FILIP1L: variants seen among roughly 807,000 people sequenced by gnomAD.
FILIP1L encodes the protein filamin A interacting protein 1 like.
Under a neutral mutation model 96.6 loss-of-function variants are expected in FILIP1L, and 55 were observed. The observed-to-expected ratio is 0.57, with a 90% confidence interval of 0.46 to 0.71. FILIP1L has a LOEUF of 0.71. Among genes scored for constraint, FILIP1L ranks in the 30% least tolerant of loss-of-function variants. The probability of loss-of-function intolerance (pLI) is 0.00; values close to 1 mark genes in which losing one functional copy is unlikely to be tolerated. For missense variants in FILIP1L, 1,304 were observed against 1,321.2 expected (o/e 0.99, Z 0.20); for synonymous variants, 467 against 473.9 (o/e 0.99, Z 0.19).
At chr3:99,958,949 T>C (rs780050845) in intron 1 of FILIP1L, among the ~76,000 whole-genome samples, 21 of 152,234 alleles carry the variant, frequency 1.4e-4, no homozygotes, top group Non-Finnish European at 2.8e-4. Flanking sequence ...TAATGAGCTC[T>C]ATACCACTGG....
intron 1 of FILIP1L, among the ~76,000 whole-genome samples, chr3:100,060,435 CA>C (rs1326725750): frequency 2.0e-5 from 3 of 151,880 alleles, no homozygotes; most frequent in Non-Finnish European, 1.5e-5. Context: ...TAAAGTATGC[CA>C]ATGCCCTAAA....
At chr3:99,909,863 C>T (rs992209273) in intron 4 of FILIP1L, among the ~76,000 whole-genome samples, 2 of 152,150 alleles carry the variant, frequency 1.3e-5, no homozygotes, top group Admixed American at 6.5e-5. Flanking sequence ...CAGTCTGCAA[C>T]CCCTTTCCTG....
intron 4 of FILIP1L, among the ~76,000 whole-genome samples, chr3:99,867,767 CAT>C (rs1944592850): frequency 6.6e-6 from 1 of 152,086 alleles, no homozygotes; most frequent in African/African-American, 2.4e-5. Context: ...TACAAATTCA[CAT>C]GTCAAGAGAT....
chr3:99,940,832 AGAG>A (rs1278461928), intron 1 of FILIP1L, among the ~76,000 whole-genome samples: 1 of 152,250 alleles, frequency 6.6e-6, no homozygotes, highest in African/African-American at 2.4e-5. Flanking sequence ...CAGGTGATTC[AGAG>A]GAGGTCAAGA....
chr3:100,102,191 A>G (rs1031265853), intron 1 of FILIP1L, among the ~76,000 whole-genome samples: 2 of 152,008 alleles, frequency 1.3e-5, no homozygotes, highest in African/African-American at 2.4e-5. Context: ...CTGAGGAATC[A>G]CCACACCGAC....
chr3:99,833,279 GAA>G (rs1391557752), intron 5 of FILIP1L: 1 of 1,601,828 alleles, frequency 6.2e-7, no homozygotes, highest in Non-Finnish European at 8.5e-7. Flanking sequence ...GCAGTAGAAA[GAA>G]GAGGAGTAAA....
intron 4 of FILIP1L, among the ~76,000 whole-genome samples, chr3:99,877,678 A>G (rs917292482): frequency 2.0e-5 from 3 of 152,180 alleles, no homozygotes; most frequent in African/African-American, 7.2e-5. Context: ...CTTCTGCCCT[A>G]TACTTGTGAA....
intron 1 of FILIP1L, among the ~76,000 whole-genome samples, chr3:100,047,575 C>T (rs2065297655): frequency 6.6e-6 from 1 of 152,208 alleles, no homozygotes; most frequent in South Asian, 2.1e-4. Flanking sequence ...GGTATTACCA[C>T]ATGTAAATTC....
rs146325265 is a variant in FILIP1L at position 99,852,509 on chromosome 3, G to A, written c.606-1439C>T. Among the ~76,000 whole-genome samples the A allele has an allele frequency of 9.9e-5, 15 of 152,048 alleles. No homozygotes were observed. In the East Asian group the frequency reaches 2.9e-3, roughly 29 times the overall value. ...TCGCCAGGCTGGAGTGCAGTGGGGC[G>A]ATCTCGACTCACTGCAACCTCTGAC... On this transcript the variant is annotated intron_variant, in intron 4 of 5. Transcript: ENST00000477258.
intron 1 of FILIP1L, among the ~76,000 whole-genome samples, chr3:100,092,274 G>C (rs2066123749): frequency 6.6e-6 from 1 of 152,100 alleles, no homozygotes; most frequent in African/African-American, 2.4e-5. Flanking sequence ...TGACATGCTG[G>C]CTAAAGATGT....
At chr3:99,884,983 C>G (rs976509766) in intron 4 of FILIP1L, among the ~76,000 whole-genome samples, 2 of 152,138 alleles carry the variant, frequency 1.3e-5, no homozygotes, top group African/African-American at 4.8e-5. Context: ...TTTAACCATG[C>G]AAGTGGGGAA....
At chr3:99,906,254 T>C (rs1403931756) in intron 4 of FILIP1L, among the ~76,000 whole-genome samples, 3 of 152,336 alleles carry the variant, frequency 2.0e-5, no homozygotes, top group Non-Finnish European at 4.4e-5. Flanking sequence ...TCCCTCGTTG[T>C]AAATTTAATT....
chr3:100,111,911 C>T (rs2066497542), intron 1 of FILIP1L, among the ~76,000 whole-genome samples: 1 of 152,172 alleles, frequency 6.6e-6, no homozygotes, highest in Admixed American at 6.5e-5. Context: ...GAACAACATG[C>T]ACAATACACA....
intron 3 of FILIP1L, among the ~76,000 whole-genome samples, chr3:99,926,821 A>G (rs1707306810): frequency 6.6e-6 from 1 of 152,052 alleles, no homozygotes; most frequent in South Asian, 2.1e-4. Flanking sequence ...TTTTCCCTTT[A>G]TATGTTCGTG....
chr3:100,108,364 C>T (rs1053715980), intron 1 of FILIP1L, among the ~76,000 whole-genome samples: 1 of 152,132 alleles, frequency 6.6e-6, no homozygotes, highest in Admixed American at 6.5e-5. Context: ...TTATTGAGCA[C>T]TTATGTGTCA....
intron 1 of FILIP1L, among the ~76,000 whole-genome samples, chr3:100,014,317 C>A (rs1710254936): frequency 6.6e-6 from 1 of 151,896 alleles, no homozygotes; most frequent in Non-Finnish European, 1.5e-5. Flanking sequence ...ATGTAGATAT[C>A]TTTTCAAGAT....
chr3:99,924,861 C>A (rs544819710), intron 3 of FILIP1L, among the ~76,000 whole-genome samples: 19 of 152,300 alleles, frequency 1.2e-4, no homozygotes, highest in African/African-American at 4.6e-4. Flanking sequence ...TGTTTATTCT[C>A]TTGTTAATTG....
chr3:100,097,506 A>T (rs1042784035), intron 1 of FILIP1L, among the ~76,000 whole-genome samples: 1 of 152,190 alleles, frequency 6.6e-6, no homozygotes, highest in African/African-American at 2.4e-5. Flanking sequence ...CCACGAACAC[A>T]GTATATCTCT....
chr3:99,860,498 T>G lies in FILIP1L; in HGVS notation c.606-9428A>C, dbSNP rs564032850. 2.6e-5 allele frequency among the ~76,000 whole-genome samples: 4 copies of G among 152,236 alleles called. No individual in the cohort carries two copies. In the East Asian group the frequency reaches 7.7e-4, roughly 29 times the overall value. ...AGAGCAGAAAAAGGAGCAAAGTAAC[T>G]GAGAAAAAGGGTCTCTGAAAGGTGA... is the stretch of plus-strand genomic sequence containing the variant. On this transcript the variant is annotated intron_variant, in intron 4 of 5. Transcript: ENST00000477258.
Sources: gnomAD v4.1 joint callset for allele counts (sites outside exome capture counted in the v4.1 genomes callset) on GRCh38, gnomAD v4.1.1 for gene constraint, MANE v1.5 for transcripts, NCBI Gene and HGNC (gene_info 2026-07-23, HGNC 2026-07-21) for gene names.